Variants in POU2F2 observed in about 807,000 individuals in gnomAD.
The protein encoded by POU2F2 is POU domain, class 2, transcription factor 2.
POU2F2 carries 14 observed loss-of-function variants against 63.5 expected under a neutral mutation model. The observed-to-expected ratio is 0.22, with a 90% CI of 0.15 to 0.34. POU2F2 has a LOEUF of 0.34. POU2F2 is among the 10% of genes least tolerant of loss of function. The pLI is 1.00. For missense variants in POU2F2, 607 were observed against 815.2 expected, an observed-to-expected ratio of 0.74 and a Z score of 3.11; for synonymous variants, 306 against 348.6, an observed-to-expected ratio of 0.88 and a Z score of 1.36.
At chr19:42,100,483 A>C (rs1391720422) in intron 5 of POU2F2, among the ~76,000 whole-genome samples, 1 of 151,384 alleles carries the variant, frequency 6.6e-6, no homozygotes, top group Non-Finnish European at 1.5e-5. Context: ...GGGTGTGGTG[A>C]CTCATGCCTG....
intron 2 of POU2F2, among the ~76,000 whole-genome samples, chr19:42,145,180 T>C (rs1441841674): frequency 6.6e-6 from 1 of 152,246 alleles, no homozygotes; most frequent in Admixed American, 6.5e-5. Flanking sequence ...CTTATAAATA[T>C]CAGTTAACGT....
At chr19:42,168,544 C>T (rs1482064597) in intron 1 of POU2F2, among the ~76,000 whole-genome samples, 1 of 152,164 alleles carries the variant, frequency 6.6e-6, no homozygotes, top group Non-Finnish European at 1.5e-5. Context: ...TCACCCTCTC[C>T]ATGTCTCCTC....
At chr19:42,150,269 G>A (rs1204137818) in intron 2 of POU2F2, among the ~76,000 whole-genome samples, 1 of 151,964 alleles carries the variant, frequency 6.6e-6, no homozygotes, top group African/African-American at 2.4e-5. Context: ...GGTTAGGGAA[G>A]GGAGCACAGA....
At chr19:42,161,292 C>T (rs1009111176) in intron 1 of POU2F2, among the ~76,000 whole-genome samples, 3 of 152,128 alleles carry the variant, frequency 2.0e-5, no homozygotes, top group African/African-American at 7.2e-5. Context: ...ACGAGGCTTC[C>T]AGATTGCAGG....
At chr19:42,157,912 A>C (rs556405405) in intron 2 of POU2F2, among the ~76,000 whole-genome samples, 5 of 152,260 alleles carry the variant, frequency 3.3e-5, no homozygotes, top group African/African-American at 1.2e-4. Flanking sequence ...AGAGGCCACC[A>C]CAACCCCAGG....
chr19:42,173,252 A>G (rs773729931), intron 1 of POU2F2, among the ~76,000 whole-genome samples: 1 of 152,158 alleles, frequency 6.6e-6, no homozygotes, highest in Non-Finnish European at 1.5e-5. Flanking sequence ...CCATCCTGAA[A>G]TATCTTGGAA....
intron 2 of POU2F2, among the ~76,000 whole-genome samples, chr19:42,158,757 C>A (rs1201614): frequency 1.1e-3 from 174 of 152,296 alleles, no homozygotes; most frequent in African/African-American, 3.9e-3. Context: ...CTAACAGTGA[C>A]CTCTACCAAC....
intron 2 of POU2F2, chr19:42,160,267 CAG>C (rs2034528451): frequency 6.6e-6 from 1 of 152,236 alleles, no homozygotes; most frequent in Admixed American, 6.5e-5. Flanking sequence ...GATGGGAAAG[CAG>C]AGACTTCTGT....
chr19:42,116,237 C>T (rs557087230), intron 5 of POU2F2, among the ~76,000 whole-genome samples: 56 of 152,238 alleles, frequency 3.7e-4, no homozygotes, highest in Middle Eastern at 6.8e-3. Flanking sequence ...TGATGGAGAA[C>T]CTCCTAATTC....
In POU2F2 at chr19:42,117,689, G is replaced by A. The variant is rs2032101792; in HGVS notation, c.187-257C>T. ...AGTCAGTTTTCCTGTCTGTAAAATG[G>A]AAAAGAGTGGCTGGGCACGGTGGCT... On this transcript the variant is annotated intron_variant, in intron 4 of 14. Transcript: ENST00000692977. The surrounding 1 kb of genome is among the most constrained non-coding windows in gnomAD (Gnocchi z 4.4). 6.6e-6 allele frequency among the ~76,000 whole-genome samples: 1 copy of A among 152,022 alleles called. No homozygotes were observed. Among genetic ancestry groups the A allele is most frequent in the Non-Finnish European group, 1.5e-5 (1 of 68,006 alleles).
intron 1 of POU2F2, among the ~76,000 whole-genome samples, chr19:42,129,325 G>A (rs1057477484): frequency 1.3e-5 from 2 of 152,088 alleles, no homozygotes; most frequent in Non-Finnish European, 2.9e-5. Flanking sequence ...TTGGAGCCAT[G>A]TTGCCCCTTG....
At chr19:42,137,086 C>G (rs1241520011), upstream of POU2F2, 2 of 152,172 alleles carry the variant, frequency 1.3e-5, no homozygotes, top group Non-Finnish European at 2.9e-5. Flanking sequence ...CCAATAAATG[C>G]TATTATGTGC....
chr19:42,192,284 G>A (rs1208069160), intron 1 of POU2F2, among the ~76,000 whole-genome samples: 1 of 152,188 alleles, frequency 6.6e-6, no homozygotes, highest in African/African-American at 2.4e-5. Context: ...TGACCAGGGA[G>A]TCAACGGATG....
At chr19:42,145,975 A>G (rs1187652114) in intron 2 of POU2F2, among the ~76,000 whole-genome samples, 5 of 145,164 alleles carry the variant, frequency 3.4e-5, no homozygotes, top group Non-Finnish European at 6.0e-5. Context: ...GGAGCTTGCA[A>G]TGAGCCGAGA....
At chr19:42,177,433 G>A (rs1211002564), upstream of POU2F2, 8 of 152,706 alleles carry the variant, frequency 5.2e-5, no homozygotes, top group African/African-American at 1.7e-4. Context: ...GAGAGAGCGA[G>A]GGGGGAGAGA....
intron 1 of POU2F2, among the ~76,000 whole-genome samples, chr19:42,188,245 G>A (rs1242007316): frequency 6.6e-6 from 1 of 151,318 alleles, no homozygotes; most frequent in East Asian, 1.9e-4. Flanking sequence ...GCGTGCCTGT[G>A]GTCCCAGATA....
intron 1 of POU2F2, among the ~76,000 whole-genome samples, chr19:42,195,475 G>A (rs2035132834): frequency 6.6e-6 from 1 of 151,504 alleles, no homozygotes; most frequent in Non-Finnish European, 1.5e-5. Flanking sequence ...TGGAACTACA[G>A]GCGCCCGCCA....
At chr19:42,195,051 A>AAGGG (rs1205793170) in intron 1 of POU2F2, among the ~76,000 whole-genome samples, 7 of 27,788 alleles carry the variant, frequency 2.5e-4, no homozygotes, top group African/African-American at 6.9e-4. Flanking sequence ...GGGAGGAAGG[A>AAGGG]AGGGAGGGAG....
At chr19:42,177,751 A>G (rs1356810104), upstream of POU2F2, among the ~76,000 whole-genome samples, 1 of 151,840 alleles carries the variant, frequency 6.6e-6, no homozygotes, top group Non-Finnish European at 1.5e-5. Flanking sequence ...GAGGGATTCA[A>G]AGGTATGGAG....
Sources: gnomAD v4.1 joint callset for allele counts (sites outside exome capture counted in the v4.1 genomes callset) on GRCh38, gnomAD v4.1.1 for gene constraint, Gnocchi (gnomAD v3.1) non-coding constraint, MANE v1.5 for transcripts, NCBI Gene and HGNC (gene_info 2026-07-23, HGNC 2026-07-21) for gene names.